Variants in ENTREP2 observed in about 807,000 individuals in gnomAD.
ENTREP2 encodes the protein protein ENTREP2.
At chr15:29,660,528 T>G in the ENTREP2 span, among the ~76,000 whole-genome samples, 1 of 152,170 alleles carries the variant, frequency 6.6e-6, no homozygotes, top group Non-Finnish European at 1.5e-5. Flanking sequence ...CAGCACAAAA[T>G]TGACTAAGAC....
the ENTREP2 span, among the ~76,000 whole-genome samples, chr15:29,170,233 G>A: frequency 6.5e-4 from 97 of 148,360 alleles, no homozygotes; most frequent in Non-Finnish European, 1.1e-3. Context: ...GCGTGAACCC[G>A]GGAGGTGGAG....
At chr15:29,335,958 G>A in the ENTREP2 span, among the ~76,000 whole-genome samples, 7 of 151,944 alleles carry the variant, frequency 4.6e-5, no homozygotes, top group Admixed American at 1.3e-4. Context: ...TGGCTAACAC[G>A]GTGAAACCCC....
At chr15:29,634,737 T>C in the ENTREP2 span, among the ~76,000 whole-genome samples, 1 of 152,308 alleles carries the variant, frequency 6.6e-6, no homozygotes, top group Admixed American at 6.5e-5. Context: ...TGGCTTCAAG[T>C]TGGGGTCCCC....
the ENTREP2 span, among the ~76,000 whole-genome samples, chr15:29,594,925 G>A: frequency 3.9e-5 from 6 of 151,972 alleles, no homozygotes; most frequent in South Asian, 1.0e-3. Context: ...ATCATTAGCC[G>A]GGCGTGGTGG....
chr15:29,271,442 A>C, the ENTREP2 span, among the ~76,000 whole-genome samples: 7 of 152,126 alleles, frequency 4.6e-5, no homozygotes, highest in Non-Finnish European at 7.4e-5. Context: ...CTGTTTTAAG[A>C]AAAAACAACA....
chr15:29,289,006 A>G, the ENTREP2 span, among the ~76,000 whole-genome samples: 1 of 152,052 alleles, frequency 6.6e-6, no homozygotes, highest in African/African-American at 2.4e-5. Flanking sequence ...GGAGTTAGAG[A>G]CCAGCCTGGG....
At chr15:29,667,578 C>G in the ENTREP2 span, among the ~76,000 whole-genome samples, 1 of 147,516 alleles carries the variant, frequency 6.8e-6, no homozygotes, top group Admixed American at 6.9e-5. Context: ...ACTGCAACCT[C>G]TGCCTCCAAG....
the ENTREP2 span, among the ~76,000 whole-genome samples, chr15:29,191,968 C>T: frequency 3.3e-5 from 5 of 152,128 alleles, no homozygotes; most frequent in African/African-American, 4.8e-5. Flanking sequence ...GGGTGCAGGA[C>T]GCTCTGTTCA....
At chr15:29,218,402 AC>A in the ENTREP2 span, among the ~76,000 whole-genome samples, 1 of 152,222 alleles carries the variant, frequency 6.6e-6, no homozygotes, top group Non-Finnish European at 1.5e-5. Context: ...AAAGCAATCT[AC>A]AAATTCAATG....
At chr15:29,484,233 C>T in the ENTREP2 span, among the ~76,000 whole-genome samples, 1 of 152,320 alleles carries the variant, frequency 6.6e-6, no homozygotes, top group Admixed American at 6.5e-5. Context: ...GAAAGCTACC[C>T]TATGGCCCTT....
At chr15:29,606,653 T>C in the ENTREP2 span, among the ~76,000 whole-genome samples, 1 of 152,158 alleles carries the variant, frequency 6.6e-6, no homozygotes, top group Admixed American at 6.5e-5. Context: ...ATCCTGGTAA[T>C]AGTCTATTTT....
the ENTREP2 span, among the ~76,000 whole-genome samples, chr15:29,513,803 T>C: frequency 6.6e-6 from 1 of 152,310 alleles, no homozygotes; most frequent in Non-Finnish European, 1.5e-5. Flanking sequence ...CATGTCCACA[T>C]CTCTGCAGTA....
chr15:29,155,098 C>T, the ENTREP2 span, among the ~76,000 whole-genome samples: 77 of 149,032 alleles, frequency 5.2e-4, no homozygotes, highest in East Asian at 1.6e-3. Flanking sequence ...CTGGCTAACA[C>T]GGTGAAACCC....
chr15:29,119,280 T>TACAATTCTC, the ENTREP2 span, among the ~76,000 whole-genome samples: 2 of 10,520 alleles, frequency 1.9e-4, no homozygotes, highest in Admixed American at 1.8e-3. Flanking sequence ...TTAAGAATGA[T>TACAATTCTC]GAGTTCATGT....
At chr15:29,308,843 A>C in the ENTREP2 span, among the ~76,000 whole-genome samples, 1 of 152,156 alleles carries the variant, frequency 6.6e-6, no homozygotes, top group Non-Finnish European at 1.5e-5. Context: ...GGAGATAAAC[A>C]TTGCCATGTG....
the ENTREP2 span, chr15:29,234,666 GA>G: frequency 6.4e-7 from 1 of 1,566,756 alleles, no homozygotes; most frequent in East Asian, 2.2e-5. Context: ...CCACAAGAGA[GA>G]AAAGTGTAAG....
chr15:29,657,644 G>T, the ENTREP2 span, among the ~76,000 whole-genome samples: 2,041 of 151,528 alleles, frequency 0.013, 20 homozygotes, highest in Non-Finnish European at 0.021. Flanking sequence ...GAGTTTTACA[G>T]AGTGCTGATT....
chr15:29,522,415 G>A, the ENTREP2 span, among the ~76,000 whole-genome samples: 1 of 152,194 alleles, frequency 6.6e-6, no homozygotes, highest in Admixed American at 6.5e-5. Context: ...AAATGCCAGA[G>A]TTGAAGACCA....
chr15:29,142,496 T>C, the ENTREP2 span, among the ~76,000 whole-genome samples: 84 of 152,200 alleles, frequency 5.5e-4, 3 homozygotes, highest in Non-Finnish European at 5.9e-5. Context: ...GAGTGCCCTC[T>C]CCAGCAGGTG....
Sources: gnomAD v4.1 joint callset for allele counts (sites outside exome capture counted in the v4.1 genomes callset) on GRCh38, gnomAD v4.1.1 for gene constraint, MANE v1.5 for transcripts, NCBI Gene and HGNC (gene_info 2026-07-23, HGNC 2026-07-21) for gene names.